GRIA1: variants seen among roughly 807,000 people sequenced by gnomAD.
The protein encoded by GRIA1 is glutamate receptor 1.
GRIA1 carries 31 observed loss-of-function variants against 99.2 expected under a neutral mutation model. That is an observed-to-expected ratio of 0.31 (90% CI 0.23 to 0.42). GRIA1 has a LOEUF of 0.42. Among genes scored for constraint, GRIA1 ranks in the 10% least tolerant of loss-of-function variants. The probability of loss-of-function intolerance (pLI) is 1.00; values close to 1 mark genes in which losing one functional copy is unlikely to be tolerated. For missense variants in GRIA1, 782 were observed against 1,157.5 expected, an observed-to-expected ratio of 0.68 and a Z score of 4.71; for synonymous variants, 438 against 432.4, an observed-to-expected ratio of 1.01 and a Z score of -0.16.
At chr5:153,636,586 A>G (rs564317147) in intron 2 of GRIA1, among the ~76,000 whole-genome samples, 1 of 152,206 alleles carries the variant, frequency 6.6e-6, no homozygotes, top group Non-Finnish European at 1.5e-5. Context: ...CTTTTTGCAG[A>G]AAAAGTTTGC....
chr5:153,650,475 G>A lies in GRIA1; in HGVS notation c.606G>A (p.Val202=). ...AGAAAAAGGAGCGGCTGGTGGTGGT[G>A]GACTGTGAATCAGAACGCCTCAATG... ...LEKKKERLVV[V]DCESERLNAI... Residue 202 remains valine (V), a synonymous_variant, in exon 4 of 16, where the codon GTG becomes GTA. Transcript: ENST00000285900. 1 of 1,613,900 alleles carries A rather than the reference G, an allele frequency of 6.2e-7. No homozygotes were observed. Among genetic ancestry groups the A allele is most frequent in the Non-Finnish European group, 8.5e-7 (1 of 1,179,916 alleles).
chr5:153,494,260 T>C (rs1182427074), intron 2 of GRIA1, 195 bp downstream of exon 2: 10 of 576,412 alleles, frequency 1.7e-5, no homozygotes, highest in Non-Finnish European at 2.1e-5. Context: ...CAATGCTTCA[T>C]GTAATGGATT....
At chr5:153,555,626 C>A (rs1272219885) in intron 2 of GRIA1, among the ~76,000 whole-genome samples, 2 of 152,104 alleles carry the variant, frequency 1.3e-5, no homozygotes, top group Non-Finnish European at 2.9e-5. Flanking sequence ...TGGGCACAAG[C>A]CTGTTGCCAT....
chr5:153,700,245 C>G (rs1758420959), intron 10 of GRIA1, among the ~76,000 whole-genome samples: 1 of 152,140 alleles, frequency 6.6e-6, no homozygotes, highest in African/African-American at 2.4e-5. Context: ...ATTAGCTGCA[C>G]ATGGTGGCGG....
intron 11 of GRIA1, among the ~76,000 whole-genome samples, chr5:153,710,653 G>T (rs1306160231): frequency 6.6e-6 from 1 of 152,148 alleles, no homozygotes; most frequent in Non-Finnish European, 1.5e-5. Flanking sequence ...CATGTGTGTG[G>T]TCAAGATCAT....
intron 14 of GRIA1, 140 bp from the exon 15 acceptor site, chr5:153,802,216 C>T: frequency 1.5e-6 from 1 of 663,026 alleles, no homozygotes. Flanking sequence ...GAATAAATAG[C>T]CTATCCAGCT....
chr5:153,745,589 CAAAAAA>C (rs58166158), intron 11 of GRIA1, among the ~76,000 whole-genome samples: 39,695 of 101,102 alleles, frequency 0.39, 6,445 homozygotes, highest in East Asian at 0.8. Context: ...AACTCTGTCT[CAAAAAA>C]AAAAAAAAAA....
At chr5:153,515,202 T>C (rs1756497379) in intron 2 of GRIA1, among the ~76,000 whole-genome samples, 1 of 152,140 alleles carries the variant, frequency 6.6e-6, no homozygotes, top group African/African-American at 2.4e-5. Flanking sequence ...TTATTTACAA[T>C]AGTTAAGATA....
At chr5:153,491,236 G>C (rs957330026) in intron 1 of GRIA1, 1 of 1,321,106 alleles carries the variant, frequency 7.6e-7, no homozygotes, top group Admixed American at 3.4e-5. Context: ...AGGAACCATC[G>C]CTTTGGAGGA....
intron 2 of GRIA1, 68 bp downstream of exon 2, chr5:153,494,133 A>G (rs1754193136): frequency 2.6e-6 from 4 of 1,542,274 alleles, no homozygotes; most frequent in African/African-American, 1.4e-5. Flanking sequence ...GCCTGTGGGT[A>G]GGTGGTGGTG....
At position 153,650,569 on chromosome 5, in the gene GRIA1, C is replaced by G. The variant is rs557797577; in HGVS notation, c.645+55C>G. 3.0e-5 allele frequency: 47 copies of G among 1,543,028 alleles called. No homozygotes were observed. In the East Asian group the frequency reaches 1.0e-3, roughly 34 times the overall value. ...GTGCGGGAGGTGATTCAGGAATAGC[C>G]AGACACACTTTTGCCTTGGGTGTTA... On this transcript the variant is annotated intron_variant, in intron 4 of 15. Transcript: ENST00000285900.
At chr5:153,582,346 T>C (rs762305098) in intron 2 of GRIA1, among the ~76,000 whole-genome samples, 7 of 152,156 alleles carry the variant, frequency 4.6e-5, no homozygotes, top group Non-Finnish European at 1.0e-4. Flanking sequence ...GGGATCAGGG[T>C]GTCTTGAGCC....
chr5:153,500,277 CA>C (rs1409275661), intron 2 of GRIA1, among the ~76,000 whole-genome samples: 1 of 152,092 alleles, frequency 6.6e-6, no homozygotes, highest in Non-Finnish European at 1.5e-5. Context: ...TGTATTTGTT[CA>C]TTCATTCATT....
At position 153,680,002 on chromosome 5, in the gene GRIA1, C is replaced by T. The variant is rs763974169; in HGVS notation, c.1029+2841C>T. Among the ~76,000 whole-genome samples, 8 of 152,228 alleles carry T rather than the reference C, an allele frequency of 5.3e-5. No homozygotes were observed. The South Asian group carries it at 6.2e-4, about 12-fold the overall frequency. On this transcript the variant is annotated intron_variant, in intron 7 of 15. Transcript: ENST00000285900. ...CCTTGAGGTAGGTAGTTTTATTAAC[C>T]GTGGTTTGTAAATGGAGAAGCCGAG...
chr5:153,545,729 T>C (rs1759553633), intron 2 of GRIA1, among the ~76,000 whole-genome samples: 1 of 152,210 alleles, frequency 6.6e-6, no homozygotes, highest in South Asian at 2.1e-4. Flanking sequence ...ACTTTGCTGC[T>C]GGAGAGTGAA....
chr5:153,716,641 C>CA (rs141260553), intron 11 of GRIA1, among the ~76,000 whole-genome samples: 12,116 of 151,986 alleles, frequency 0.08, 1,082 homozygotes, highest in East Asian at 0.52. Context: ...GAAATATGAG[C>CA]AAAAATGTAA....
intron 2 of GRIA1, among the ~76,000 whole-genome samples, chr5:153,570,585 A>G (rs765021119): frequency 1.1e-4 from 16 of 152,192 alleles, no homozygotes; most frequent in Non-Finnish European, 2.1e-4. Flanking sequence ...GAAGAGTCTG[A>G]GTATTCTAGG....
intron 2 of GRIA1, among the ~76,000 whole-genome samples, chr5:153,578,748 A>G (rs1762791701): frequency 6.6e-6 from 1 of 152,134 alleles, no homozygotes; most frequent in South Asian, 2.1e-4. Context: ...CTTTACTAAA[A>G]ATACAAAAAA....
At chr5:153,771,142 T>C (rs1169596206) in intron 13 of GRIA1, among the ~76,000 whole-genome samples, 1 of 152,194 alleles carries the variant, frequency 6.6e-6, no homozygotes, top group East Asian at 1.9e-4. Flanking sequence ...AGCCCTTAGT[T>C]TCCTCATCTG....
Sources: gnomAD v4.1 joint callset for allele counts (sites outside exome capture counted in the v4.1 genomes callset) on GRCh38, gnomAD v4.1.1 for gene constraint, MANE v1.5 for transcripts, NCBI Gene and HGNC (gene_info 2026-07-23, HGNC 2026-07-21) for gene names.